CUBN: variants seen among roughly 807,000 people sequenced by gnomAD.
CUBN encodes the protein cubilin, also known as 460 kDa receptor.
A neutral mutation model predicts 405.3 loss-of-function variants in CUBN; 282 were observed. The ratio of observed to expected loss-of-function variants is 0.70; its 90% CI spans 0.63 to 0.77. CUBN has a LOEUF of 0.77. Ranked by LOEUF, CUBN falls within the 30% of genes least tolerant of loss-of-function variation. The probability of loss-of-function intolerance (pLI) is 0.00; values close to 1 mark genes in which losing one functional copy is unlikely to be tolerated. For missense variants in CUBN, 4,514 were observed against 4,475.2 expected (o/e 1.01, Z -0.25); for synonymous variants, 1,684 against 1,617.0 (o/e 1.04, Z -0.99).
intron 47 of CUBN, among the ~76,000 whole-genome samples, chr10:16,914,423 G>A (rs141131251): frequency 1.1e-3 from 169 of 152,190 alleles, no homozygotes; most frequent in African/African-American, 3.3e-3. Context: ...GCCGGGCGTC[G>A]TGGCGTGCGC....
chr10:16,886,583 T>C (rs568619954), intron 56 of CUBN, among the ~76,000 whole-genome samples: 1 of 152,242 alleles, frequency 6.6e-6, no homozygotes, highest in Admixed American at 6.5e-5. Flanking sequence ...TGGTGTCTAT[T>C]GTCAGTCAAA....
intron 7 of CUBN, among the ~76,000 whole-genome samples, chr10:17,114,515 T>C (rs767147276): frequency 3.3e-5 from 5 of 152,208 alleles, no homozygotes; most frequent in Non-Finnish European, 5.9e-5. Context: ...AAAACACCCA[T>C]GTAGGCACAG....
chr10:17,128,164 C>T (rs866714697), intron 2 of CUBN, among the ~76,000 whole-genome samples: 1 of 152,190 alleles, frequency 6.6e-6, no homozygotes, highest in Non-Finnish European at 1.5e-5. Context: ...TGTATGTTTT[C>T]CTATAATACC....
chr10:17,055,581 G>A (rs1030399371), intron 22 of CUBN, among the ~76,000 whole-genome samples: 2 of 152,150 alleles, frequency 1.3e-5, no homozygotes, highest in South Asian at 2.1e-4. Context: ...CAGAATACAA[G>A]ATATGTATAC....
rs1353592024 is a variant in CUBN, at chr10:16,824,063, T to A, written c.*912A>T. 6.6e-6 allele frequency: 1 copy of A among 152,210 alleles called. No individual in the cohort carries two copies. The highest frequency in any genetic ancestry group is 1.5e-5 in the Non-Finnish European group (1 of 68,040). 9.4% of individuals were successfully genotyped at this position (152,210 alleles called of 1,614,324 possible). ...TTAACTTTTGTTGTTCTTGTTGTCA[T>A]TTTTGAGATAGGGTCTCAGTCTGTC... On this transcript the variant is annotated 3_prime_UTR_variant, in exon 67 of 67. Transcript: ENST00000377833.
chr10:17,114,146 G>A lies in CUBN; in HGVS notation c.764C>T (p.Pro255Leu). The change falls in exon 8 of 67, where the codon CCC (proline) becomes CTC (leucine). Residue 255 changes from proline (P) to leucine (L), a missense_variant. Physicochemically the swap from Pro to Leu is moderately conservative, Grantham distance 98. Around this residue, in one of 5 missense-constraint regions of CUBN, gnomAD observed 1,448 missense variants for 1,388.0 expected, o/e 1.04. Transcript: ENST00000377833. ...GTCCAGCGTGCAGGCAGGGCTGTTG[G>A]GTGAAAACATCCACCCAGCATCACA... is the stretch of plus-strand genomic sequence containing the variant. Reference protein sequence around the residue: ...CVCDAGWMFSPNSPACTLDRD... With the variant: ...CVCDAGWMFSLNSPACTLDRD... The A allele has an allele frequency of 1.2e-6, 2 of 1,613,824 alleles. No homozygotes were observed. The highest frequency in any genetic ancestry group is 1.7e-6 in the Non-Finnish European group (2 of 1,179,906).
intron 58 of CUBN, among the ~76,000 whole-genome samples, chr10:16,871,482 TG>T (rs1452857889): frequency 1.5e-4 from 23 of 151,346 alleles, no homozygotes; most frequent in African/African-American, 4.8e-4. Context: ...GAAAAAAAAT[TG>T]TTGGTTTTTT....
chr10:17,008,451 T>TGTGTGTGTGC (rs1834091466), intron 28 of CUBN, among the ~76,000 whole-genome samples: 1 of 147,336 alleles, frequency 6.8e-6, no homozygotes, highest in Non-Finnish European at 1.5e-5. Context: ...TGTGTGTGTG[T>TGTGTGTGTGC]GTGTGTGTGT....
At chr10:16,904,233 A>G in intron 50 of CUBN, 118 bp from the exon 51 acceptor site, 1 of 952,034 alleles carries the variant, frequency 1.1e-6, no homozygotes, top group Non-Finnish European at 1.7e-6. Context: ...ATTCTGATTT[A>G]GTAGCAGACA....
intron 7 of CUBN, 75 bp from the exon 8 acceptor site, chr10:17,114,264 G>T: frequency 7.0e-7 from 1 of 1,434,338 alleles, no homozygotes; most frequent in Non-Finnish European, 9.7e-7. Context: ...ATTTCATCAA[G>T]CCCCTAACTG....
At chr10:17,027,850 A>G (rs1834705188) in intron 27 of CUBN, among the ~76,000 whole-genome samples, 2 of 152,176 alleles carry the variant, frequency 1.3e-5, no homozygotes, top group South Asian at 4.1e-4. Context: ...TCCTTTTATC[A>G]TAACTAGATT....
intron 22 of CUBN, among the ~76,000 whole-genome samples, chr10:17,056,985 C>A (rs1835410208): frequency 6.6e-6 from 1 of 152,038 alleles, no homozygotes; most frequent in South Asian, 2.1e-4. Flanking sequence ...CAAAATAAAA[C>A]CATCAGATAC....
chr10:16,884,172 C>G (rs1312928092), intron 56 of CUBN, among the ~76,000 whole-genome samples: 1 of 152,024 alleles, frequency 6.6e-6, no homozygotes, highest in Non-Finnish European at 1.5e-5. Flanking sequence ...TTAGTAGAGA[C>G]AAGGTTTCAC....
intron 22 of CUBN, among the ~76,000 whole-genome samples, chr10:17,057,376 A>G (rs1835419006): frequency 6.6e-6 from 1 of 152,074 alleles, no homozygotes; most frequent in Admixed American, 6.6e-5. Context: ...GCACACTGTC[A>G]TGGCGCTGTT....
rs747634286 is a variant in CUBN at position 16,874,365 on chromosome 10, C to T, written c.9236+9G>A. ...GATTTTCTTAAGAAAGCCAATTTGT[C>T]TTACGTACTTGAGCTCGATCACCTT... On this transcript the variant is annotated intron_variant, in intron 58 of 66. Coordinates refer to ENST00000377833, the MANE Select transcript of CUBN (RefSeq NM_001081.4). 1 of 1,613,930 alleles carries T rather than the reference C, an allele frequency of 6.2e-7. No individual in the cohort carries two copies. The highest frequency in any genetic ancestry group is 2.2e-5 in the East Asian group (1 of 44,884).
chr10:17,129,062 C>A, intron 2 of CUBN, 59 bp downstream of exon 2: 2 of 1,389,612 alleles, frequency 1.4e-6, no homozygotes, highest in Non-Finnish European at 2.0e-6. Flanking sequence ...TAGACTTGTT[C>A]AATTAAGTCA....
chr10:16,978,598 C>A (rs568162627), intron 31 of CUBN, among the ~76,000 whole-genome samples: 25 of 152,196 alleles, frequency 1.6e-4, no homozygotes, highest in Admixed American at 1.1e-3. Flanking sequence ...GTAAACAAAC[C>A]TTTGAGTTTT....
chr10:16,829,899 G>A (rs540234468), intron 65 of CUBN, among the ~76,000 whole-genome samples: 17 of 150,174 alleles, frequency 1.1e-4, no homozygotes, highest in Non-Finnish European at 2.5e-4. Flanking sequence ...TTGGCTCACT[G>A]CAAGCTCCAC....
intron 59 of CUBN, among the ~76,000 whole-genome samples, chr10:16,864,613 C>CATCA (rs1840113053): frequency 6.6e-6 from 1 of 151,202 alleles, no homozygotes; most frequent in South Asian, 2.1e-4. Flanking sequence ...TGATATCATG[C>CATCA]ATCAATCAGC....
Sources: allele counts gnomAD v4.1 joint callset (sites outside exome capture counted in the v4.1 genomes callset), GRCh38; gene constraint gnomAD v4.1.1; regional missense constraint gnomAD v4.1.1; transcripts MANE v1.5; gene names NCBI Gene and HGNC (gene_info 2026-07-23, HGNC 2026-07-21).